Variants in DIAPH3 observed in about 807,000 individuals in gnomAD.
DIAPH3 encodes the protein diaphanous related formin 3.
A neutral mutation model predicts 144.3 loss-of-function variants in DIAPH3; 117 were observed. The ratio of observed to expected loss-of-function variants is 0.81; its 90% confidence interval spans 0.70 to 0.95. DIAPH3 has a LOEUF of 0.95. DIAPH3 is among the 40% of genes least tolerant of loss of function. The pLI, the probability that DIAPH3 is intolerant of heterozygous loss-of-function variation, is 0.00. For synonymous variants in DIAPH3, 519 were observed against 488.9 expected (o/e 1.06, Z -0.81); for missense variants, 1,421 against 1,412.7 (o/e 1.01, Z -0.09).
chr13:60,020,511 G>A (rs574237640), intron 5 of DIAPH3, among the ~76,000 whole-genome samples: 11 of 152,224 alleles, frequency 7.2e-5, no homozygotes, highest in Non-Finnish European at 1.5e-5. Context: ...GGGACTACAA[G>A]CATGTGTCAC....
chr13:60,140,239 A>G (rs1472361144), intron 1 of DIAPH3, among the ~76,000 whole-genome samples: 1 of 152,242 alleles, frequency 6.6e-6, no homozygotes, highest in Admixed American at 6.5e-5. Context: ...CAGCATCACC[A>G]TAAAGGAAAT....
intron 27 of DIAPH3, among the ~76,000 whole-genome samples, chr13:59,671,209 C>CTCTA (rs2032355917): frequency 6.6e-6 from 1 of 152,184 alleles, no homozygotes; most frequent in Non-Finnish European, 1.5e-5. Context: ...AAACTCTATA[C>CTCTA]TCTACCAGGT....
chr13:59,814,978 T>C (rs548627226), intron 24 of DIAPH3, among the ~76,000 whole-genome samples: 1 of 152,278 alleles, frequency 6.6e-6, no homozygotes, highest in African/African-American at 2.4e-5. Context: ...TAATATAATG[T>C]CTTCTGGTTT....
intron 24 of DIAPH3, among the ~76,000 whole-genome samples, chr13:59,828,981 A>C (rs1306833111): frequency 4.6e-5 from 7 of 151,950 alleles, no homozygotes; most frequent in Non-Finnish European, 1.5e-5. Context: ...AAGATTTTGA[A>C]ACTTTTCCCC....
intron 4 of DIAPH3, among the ~76,000 whole-genome samples, chr13:60,066,870 A>G (rs1348189758): frequency 6.6e-6 from 1 of 152,236 alleles, no homozygotes; most frequent in African/African-American, 2.4e-5. Flanking sequence ...ACATATCTCA[A>G]TATCATCAAG....
At chr13:59,857,664 T>C (rs2043333362) in intron 22 of DIAPH3, among the ~76,000 whole-genome samples, 1 of 152,134 alleles carries the variant, frequency 6.6e-6, no homozygotes, top group African/African-American at 2.4e-5. Context: ...TCCTAAAGTA[T>C]AAGAATTCCT....
At chr13:59,827,244 C>A (rs867115596) in intron 24 of DIAPH3, among the ~76,000 whole-genome samples, 1 of 151,982 alleles carries the variant, frequency 6.6e-6, no homozygotes, top group South Asian at 2.1e-4. Context: ...AGTGAACAGG[C>A]AACCTACAAA....
chr13:59,749,025 C>T (rs925604118), intron 27 of DIAPH3, among the ~76,000 whole-genome samples: 1 of 151,552 alleles, frequency 6.6e-6, no homozygotes. Context: ...ACCAGCCTGG[C>T]CAACATGGTG....
intron 9 of DIAPH3, among the ~76,000 whole-genome samples, chr13:60,001,367 T>C (rs745596084): frequency 1.3e-5 from 2 of 152,170 alleles, no homozygotes; most frequent in Non-Finnish European, 2.9e-5. Flanking sequence ...GTCAACCCCA[T>C]TCCAACTCCC....
chr13:59,756,851 T>C (rs998637889), intron 27 of DIAPH3, among the ~76,000 whole-genome samples: 1 of 152,070 alleles, frequency 6.6e-6, no homozygotes, highest in Non-Finnish European at 1.5e-5. Flanking sequence ...GATAAAAACA[T>C]ACAAATAAAA....
At chr13:60,131,435 C>CAAAAAAAAAAAAAAAAAAAAAAAAAA (rs777909368) in intron 2 of DIAPH3, among the ~76,000 whole-genome samples, 1 of 29,306 alleles carries the variant, frequency 3.4e-5, no homozygotes, top group Non-Finnish European at 8.3e-5. Context: ...GACCCTGTCT[C>CAAAAAAAAAAAAAAAAAAAAAAAAAA]AAAAAAAAAA....
intron 17 of DIAPH3, among the ~76,000 whole-genome samples, chr13:59,962,829 T>C (rs1353262487): frequency 3.3e-5 from 5 of 152,180 alleles, no homozygotes; most frequent in African/African-American, 7.2e-5. Flanking sequence ...GCAAGTCTAA[T>C]AACTACCTTA....
chr13:60,101,515 C>T (rs1007208033), intron 3 of DIAPH3, among the ~76,000 whole-genome samples: 1 of 150,962 alleles, frequency 6.6e-6, no homozygotes, highest in South Asian at 2.1e-4. Context: ...GATATTTTTG[C>T]GATTTCTTTT....
chr13:59,713,461 G>A (rs968457544), intron 27 of DIAPH3, among the ~76,000 whole-genome samples: 3 of 152,096 alleles, frequency 2.0e-5, no homozygotes, highest in Admixed American at 2.0e-4. Context: ...CCTCCACTGA[G>A]GACTGACATT....
At chr13:59,827,621 GT>G (rs1399754141) in intron 24 of DIAPH3, among the ~76,000 whole-genome samples, 1 of 152,040 alleles carries the variant, frequency 6.6e-6, no homozygotes, top group East Asian at 1.9e-4. Flanking sequence ...TTTCAGCAAA[GT>G]TGGGCTAATG....
chr13:59,746,520 A>T (rs1427835742), intron 27 of DIAPH3, among the ~76,000 whole-genome samples: 1 of 151,928 alleles, frequency 6.6e-6, no homozygotes, highest in Non-Finnish European at 1.5e-5. Context: ...CACTGCAACC[A>T]GCACCAGCTG....
chr13:60,052,937 G>C (rs2056405326), intron 4 of DIAPH3, among the ~76,000 whole-genome samples: 2 of 113,640 alleles, frequency 1.8e-5, no homozygotes, highest in African/African-American at 7.5e-5. Context: ...CTCCAGCCTG[G>C]TGACAGAGCC....
intron 22 of DIAPH3, among the ~76,000 whole-genome samples, chr13:59,846,141 C>T (rs553616560): frequency 2.6e-5 from 4 of 151,978 alleles, no homozygotes; most frequent in African/African-American, 7.2e-5. Context: ...AAGTTTAAAG[C>T]AGTCATGAAT....
chr13:60,148,655 C>T (rs566253848), intron 1 of DIAPH3, among the ~76,000 whole-genome samples: 1 of 152,266 alleles, frequency 6.6e-6, no homozygotes, highest in East Asian at 1.9e-4. Flanking sequence ...AAGAGAAGAA[C>T]ATGTTAGACC....
Sources: gnomAD v4.1 joint callset for allele counts (sites outside exome capture counted in the v4.1 genomes callset) on GRCh38, gnomAD v4.1.1 for gene constraint, MANE v1.5 for transcripts, NCBI Gene and HGNC (gene_info 2026-07-23, HGNC 2026-07-21) for gene names.